Variants in NFATC4 observed in about 807,000 individuals in gnomAD.
NFATC4 encodes nuclear factor of activated T cells 4.
A neutral mutation model predicts 73.4 loss-of-function variants in NFATC4; 25 were observed. The observed-to-expected ratio is 0.34, with a 90% CI of 0.25 to 0.48. NFATC4 has a LOEUF of 0.48. Ranked by LOEUF, NFATC4 falls within the 20% of genes least tolerant of loss-of-function variation. The pLI is 0.99. For missense variants in NFATC4, 1,130 were observed against 1,203.7 expected (o/e 0.94, Z 0.91); for synonymous variants, 523 against 510.3 (o/e 1.02, Z -0.34).
chr14:24,376,441 C>T lies in NFATC4; in HGVS notation c.2204C>T (p.Pro735Leu). 1 of 1,613,860 alleles carries T rather than the reference C, an allele frequency of 6.2e-7. No individual in the cohort carries two copies. The highest frequency in any genetic ancestry group is 8.5e-7 in the Non-Finnish European group (1 of 1,179,888). The change falls in exon 9 of 10, where the codon CCT becomes CTT. Residue 735 changes from proline to leucine, a missense_variant. Physicochemically the swap from Pro to Leu is moderately conservative, Grantham distance 98 (BLOSUM62 -3). Coordinates refer to ENST00000250373, the MANE Select transcript of NFATC4 (RefSeq NM_004554.5). This position sits in a 1 kb window ranked among gnomAD's most constrained non-coding sequence, Gnocchi z 5.0. ...YPHEDPACETPYLSEGFGYGM... is the reference protein window; with the variant it reads ...YPHEDPACETLYLSEGFGYGM... Reference sequence around the variant, plus strand: ...CATGAAGACCCTGCTTGCGAAACTCCTTACCTATCAGAAGGCTTCGGCTAT... The same window carrying T: ...CATGAAGACCCTGCTTGCGAAACTCTTTACCTATCAGAAGGCTTCGGCTAT...
intron 6 of NFATC4, 120 bp downstream of exon 6, chr14:24,374,586 G>A: frequency 1.0e-6 from 1 of 958,590 alleles, no homozygotes; most frequent in Non-Finnish European, 1.5e-6. Flanking sequence ...TTGTAAAATG[G>A]GACAGACAGA....
intron 1 of NFATC4, 50 bp downstream of exon 1, chr14:24,368,490 G>C: frequency 8.0e-7 from 1 of 1,251,332 alleles, no homozygotes; most frequent in Non-Finnish European, 1.0e-6. Flanking sequence ...AGGAGGGCCG[G>C]GGATCCTGAG....
intron 2 of NFATC4, among the ~76,000 whole-genome samples, chr14:24,371,264 G>C (rs979774931): frequency 2.0e-5 from 3 of 152,164 alleles, no homozygotes; most frequent in Non-Finnish European, 2.9e-5. Flanking sequence ...GTTAACACTG[G>C]TACCCCTGGG....
Position 24,376,892 on chromosome 14 carries a change from T to C in NFATC4, c.2641+14T>C. 1.9e-6 allele frequency: 3 copies of C among 1,538,988 alleles called. No homozygotes were observed. The highest frequency in any genetic ancestry group is 2.6e-5 in the South Asian group (2 of 78,308). On this transcript the variant is annotated intron_variant, in intron 9 of 9. Transcript: ENST00000250373. This position sits in a 1 kb window ranked among gnomAD's most constrained non-coding sequence, Gnocchi z 5.0. ...CGCTGGAGGAAGGTGGGTGTGGGAC[T>C]GGGGGCTGTGAGTGTGAGTGTGTGC...
At position 24,376,157 on chromosome 14, in the gene NFATC4, G is replaced by T; in HGVS notation, c.2056+56G>T. The stretch of plus-strand genomic sequence containing the variant: ...ATAGGGATATGGGGAGCTGGAGCAG[G>T]AGCAGAGGGAAGCAGTACTCATCAT... On this transcript the variant is annotated intron_variant, in intron 8 of 9. Transcript: ENST00000250373. The surrounding 1 kb of genome is among the most constrained non-coding windows in gnomAD (Gnocchi z 5.0). 2.5e-6 allele frequency: 4 copies of T among 1,611,894 alleles called. No homozygotes were observed. The highest frequency in any genetic ancestry group is 1.7e-5 in the Admixed American group (1 of 59,924).
chr14:24,367,399 T>A (rs1414450484), upstream of NFATC4: 9 of 1,535,664 alleles, frequency 5.9e-6, no homozygotes, highest in Non-Finnish European at 7.8e-6. Context: ...GGCTGCCAAC[T>A]TCCCGTGGAG....
chr14:24,373,918 CTG>C lies in NFATC4; in HGVS notation c.1732+63_1732+64del, dbSNP rs375252788. The stretch of plus-strand genomic sequence containing the variant: ...TCTCTGTCTCTTGCAACTCTTTTGT[CTG>C]TGTGTGTGTGTCTGTCTGCCCATTC... On this transcript the variant is annotated intron_variant, in intron 5 of 9. Transcript: ENST00000250373. The surrounding 1 kb of genome is among the most constrained non-coding windows in gnomAD (Gnocchi z 4.7). The C allele has an allele frequency of 2.7e-4, 430 of 1,602,484 alleles. No homozygotes were observed. Among genetic ancestry groups the C allele is most frequent in the Admixed American group, 7.1e-4 (42 of 58,986 alleles).
Position 24,374,378 on chromosome 14 carries a change from C to T in NFATC4, c.1785C>T (p.Ala595=). 1.9e-6 allele frequency: 3 copies of T among 1,614,026 alleles called. No homozygotes were observed. In the African/African-American group the frequency reaches 4.0e-5, roughly 22 times the overall value. The stretch of plus-strand genomic sequence containing the variant: ...AGGTGGAGGCCTACAGCCCCAGTGC[C>T]TGCTCTGTGAGAGGAGGCGAGGAAC... ...LPQVEAYSPS[A]CSVRGGEELV... is the part of the protein sequence containing the mutation. Residue 595 remains alanine, a synonymous_variant, in exon 6 of 10, where the codon GCC becomes GCT. Coordinates refer to ENST00000250373, the MANE Select transcript of NFATC4 (RefSeq NM_004554.5).
rs1054959977 is a variant in NFATC4 at position 24,373,980 on chromosome 14, T to C, written c.1732+113T>C. The C allele has an allele frequency of 2.4e-5, 35 of 1,436,286 alleles. No homozygotes were observed. The highest frequency in any genetic ancestry group is 3.4e-5 in the Non-Finnish European group (35 of 1,040,858). The allele number at this position is 1,436,286 out of a possible 1,614,324, so 89.0% of individuals were successfully genotyped here. ...CGTCCTGTGCCCTGTCTGTCCTGGG[T>C]AGCTCTATAGAGGACTCAGCTTCTT... is the stretch of plus-strand genomic sequence containing the variant. On this transcript the variant is annotated intron_variant, in intron 5 of 9. Transcript: ENST00000250373. The surrounding 1 kb of genome is among the most constrained non-coding windows in gnomAD (Gnocchi z 4.7).
intron 2 of NFATC4, 159 bp from the exon 3 acceptor site, chr14:24,372,282 T>A: frequency 1.3e-6 from 1 of 763,378 alleles, no homozygotes. Context: ...TTAAAAAAAA[T>A]TCTTTTTTCC....
intron 2 of NFATC4, among the ~76,000 whole-genome samples, chr14:24,371,409 G>A (rs963832701): frequency 1.3e-5 from 2 of 152,184 alleles, no homozygotes; most frequent in Non-Finnish European, 2.9e-5. Context: ...GCCTCTACCC[G>A]TTAGATGCTA....
rs2295298 is a variant in NFATC4, at chr14:24,374,414, T to C, written c.1821T>C (p.Thr607=). The change falls in exon 6 of 10, where the codon ACT becomes ACC. Residue 607 remains threonine, a synonymous_variant. Coordinates refer to ENST00000250373, the MANE Select transcript of NFATC4 (RefSeq NM_004554.5). ...GAGGAGGCGAGGAACTGGTACTGACTGGCTCCAACTTCCTGCCAGACTCCA... is the reference window on the plus strand; with the variant it reads ...GAGGAGGCGAGGAACTGGTACTGACCGGCTCCAACTTCCTGCCAGACTCCA... ...SVRGGEELVL[T]GSNFLPDSKV... 0.54 allele frequency: 878,880 copies of C among 1,613,468 alleles called. 253,248 individuals carry two copies. The highest frequency in any genetic ancestry group is 0.61 in the Middle Eastern group (3,680 of 6,054).
At position 24,374,427 on chromosome 14, in the gene NFATC4, C is replaced by T; in HGVS notation, c.1834C>T (p.Leu612=). 6.2e-7 allele frequency: 1 copy of T among 1,614,044 alleles called. No individual in the cohort carries two copies. Among genetic ancestry groups the T allele is most frequent in the African/African-American group, 1.3e-5 (1 of 75,056 alleles). ...ACTGGTACTGACTGGCTCCAACTTC[C>T]TGCCAGACTCCAAGGTGGTGTTCAT... ...EELVLTGSNF[L]PDSKVVFIER... The change falls in exon 6 of 10, where the codon CTG becomes TTG. Residue 612 remains leucine, a synonymous_variant. Coordinates refer to ENST00000250373, the MANE Select transcript of NFATC4 (RefSeq NM_004554.5).
At chr14:24,375,805 C>T in intron 7 of NFATC4, 90 bp downstream of exon 7, 1 of 1,559,280 alleles carries the variant, frequency 6.4e-7, no homozygotes, top group South Asian at 1.1e-5. Flanking sequence ...GGGGAGTGGA[C>T]TTTTCTGGAG....
Position 24,376,610 on chromosome 14 carries a change from G to C in NFATC4, c.2373G>C (p.Pro791=). The C allele has an allele frequency of 2.5e-6, 4 of 1,613,658 alleles. No individual in the cohort carries two copies. Among genetic ancestry groups the C allele is most frequent in the Non-Finnish European group, 1.7e-6 (2 of 1,179,876 alleles). ...TTCCCCGCCCCTTCCCTAGTGACCCGTATGGAGGGCGGGGCTCCTCTTTCT... is the reference window on the plus strand; with the variant it reads ...TTCCCCGCCCCTTCCCTAGTGACCCCTATGGAGGGCGGGGCTCCTCTTTCT... ...SFLPRPFPSD[P]YGGRGSSFSL... Residue 791 remains proline (P), a synonymous_variant, in exon 9 of 10, where the codon CCG becomes CCC. Transcript: ENST00000250373. The surrounding 1 kb of genome is among the most constrained non-coding windows in gnomAD (Gnocchi z 5.0).
upstream of NFATC4, chr14:24,367,261 A>G (rs1254143980): frequency 6.2e-7 from 1 of 1,603,998 alleles, no homozygotes; most frequent in Non-Finnish European, 8.5e-7. Context: ...AAGGAGGGGG[A>G]AGAGGAGGGG....
In NFATC4 at chr14:24,378,343, T is replaced by A. The variant is rs543630273; in HGVS notation, c.*638T>A. ...GCCCAGGAGGCTGCATTTTTCCAGG[T>A]CCTTAGTCTTGCCACCACACAGATG... On this transcript the variant is annotated 3_prime_UTR_variant, in exon 10 of 10. Transcript: ENST00000250373. 1.3e-5 allele frequency: 2 copies of A among 154,414 alleles called. No homozygotes were observed. Among genetic ancestry groups the A allele is most frequent in the African/African-American group, 4.8e-5 (2 of 41,552 alleles). The allele number at this position is 154,414 out of a possible 1,614,324, so 9.6% of individuals were successfully genotyped here.
intron 1 of NFATC4, chr14:24,369,068 C>A: frequency 7.1e-7 from 1 of 1,408,966 alleles, no homozygotes; most frequent in East Asian, 2.6e-5. Context: ...CTGACGCCCC[C>A]CTCCCCTCTG....
In NFATC4 at chr14:24,370,012, C is replaced by T. The variant is rs1202781754; in HGVS notation, c.614C>T (p.Ala205Val). 3 of 1,612,282 alleles carry T rather than the reference C, an allele frequency of 1.9e-6. No homozygotes were observed. The highest frequency in any genetic ancestry group is 2.5e-6 in the Non-Finnish European group (3 of 1,179,974). Residue 205 changes from alanine to valine, a missense_variant, in exon 2 of 10, where the codon GCG (alanine) becomes GTG (valine). Ala to Val is a moderately conservative substitution (Grantham distance 64, BLOSUM62 0). Transcript: ENST00000250373. Reference protein sequence around the residue: ...CDEVESELNEAASRFGLGSPL... With the variant: ...CDEVESELNEVASRFGLGSPL... ...GAGGTGGAGTCTGAGCTAAATGAGG[C>T]GGCCTCCCGCTTTGGCCTGGGCTCC...
Sources: gnomAD v4.1 joint callset for allele counts (sites outside exome capture counted in the v4.1 genomes callset) on GRCh38, gnomAD v4.1.1 for gene constraint, Gnocchi (gnomAD v3.1) non-coding constraint, MANE v1.5 for transcripts, NCBI Gene and HGNC (gene_info 2026-07-23, HGNC 2026-07-21) for gene names.